The following SLX4 variants were observed in gnomAD, a reference collection of about 807,000 sequenced individuals.
SLX4 encodes SLX4 structure-specific endonuclease subunit.
Under a neutral mutation model 146.2 loss-of-function variants are expected in SLX4, and 112 were observed. The ratio of observed to expected loss-of-function variants is 0.77; its 90% CI spans 0.66 to 0.90. The LOEUF (loss-of-function observed/expected upper bound fraction) is 0.90, where lower values mean the gene tolerates loss of function less well. Ranked by LOEUF, SLX4 falls within the 40% of genes least tolerant of loss-of-function variation. The probability of loss-of-function intolerance (pLI) is 0.00; values close to 1 mark genes in which losing one functional copy is unlikely to be tolerated. For missense variants in SLX4, 2,563 were observed against 2,392.7 expected, an observed-to-expected ratio of 1.07 and a Z score of -1.49; for synonymous variants, 1,061 against 997.7, an observed-to-expected ratio of 1.06 and a Z score of -1.20.
intron 7 of SLX4, among the ~76,000 whole-genome samples, chr16:3,596,877 TAA>T (rs1440896640): frequency 1.3e-5 from 2 of 151,438 alleles, no homozygotes; most frequent in East Asian, 3.9e-4. Context: ...GGCTGGAGTG[TAA>T]TGGCACGGTC....
At chr16:3,583,014 T>C (rs1441315273) in intron 14 of SLX4, 83 bp downstream of exon 14, 3 of 1,528,710 alleles carry the variant, frequency 2.0e-6, no homozygotes, top group Non-Finnish European at 2.7e-6. Flanking sequence ...AGATTGGCCA[T>C]TAGGTCTCAC....
At position 3,582,165 on chromosome 16, in the gene SLX4, A is replaced by G. The variant is rs999816259; in HGVS notation, c.*177T>C. 6.5e-6 allele frequency: 4 copies of G among 616,328 alleles called. No homozygotes were observed. The highest frequency in any genetic ancestry group is 5.5e-5 in the African/African-American group (3 of 54,468). 38.2% of individuals were successfully genotyped at this position (616,328 alleles called of 1,614,324 possible). A position where few individuals can be genotyped will look rare whatever the true frequency, so the allele number is the denominator to read the frequency against. Reference sequence around the variant, plus strand: ...AATGCCACCCTAGAAAGCAGAGCCCAGAGGAGGAAGCCCTGGATTGGGCTG... The same window carrying G: ...AATGCCACCCTAGAAAGCAGAGCCCGGAGGAGGAAGCCCTGGATTGGGCTG... On this transcript the variant is annotated 3_prime_UTR_variant, in exon 15 of 15. Coordinates refer to ENST00000294008, the MANE Select transcript of SLX4 (RefSeq NM_032444.4).
chr16:3,605,090 A>T (rs1441594322), intron 3 of SLX4, among the ~76,000 whole-genome samples: 3 of 149,352 alleles, frequency 2.0e-5, no homozygotes, highest in Non-Finnish European at 1.5e-5. Flanking sequence ...CCAGCTAATT[A>T]AAAAAAAATT....
chr16:3,606,777 C>T (rs563144482), intron 2 of SLX4, 79 bp from the exon 3 acceptor site: 15 of 1,503,640 alleles, frequency 1.0e-5, no homozygotes, highest in East Asian at 4.5e-5. Context: ...ACAGGTTAGA[C>T]GCAAGTTTCA....
intron 3 of SLX4, among the ~76,000 whole-genome samples, chr16:3,605,777 C>A (rs908434137): frequency 6.7e-6 from 1 of 150,286 alleles, no homozygotes; most frequent in Non-Finnish European, 1.5e-5. Flanking sequence ...GAAACCTTGT[C>A]TCTACTAAAA....
chr16:3,586,448 G>A (rs1368087644), intron 12 of SLX4, among the ~76,000 whole-genome samples: 2 of 151,950 alleles, frequency 1.3e-5, no homozygotes, highest in African/African-American at 4.8e-5. Flanking sequence ...TTGAGCCTGG[G>A]AGGTCGAGGC....
chr16:3,608,112 GAGTTCA>G (rs1170502180), intron 2 of SLX4, among the ~76,000 whole-genome samples: 2 of 152,190 alleles, frequency 1.3e-5, no homozygotes, highest in African/African-American at 4.8e-5. Flanking sequence ...TTGAGTCCAG[GAGTTCA>G]AGACCAGCCT....
intron 12 of SLX4, among the ~76,000 whole-genome samples, chr16:3,585,793 A>T (rs1045690931): frequency 6.9e-6 from 1 of 144,878 alleles, no homozygotes; most frequent in Non-Finnish European, 1.5e-5. Flanking sequence ...GCAGAACCCT[A>T]TCTCTACAAA....
rs2040723281 is a variant in SLX4 at position 3,601,154 on chromosome 16, C to A, written c.988G>T (p.Val330Leu). 1 of 1,613,978 alleles carries A rather than the reference C, an allele frequency of 6.2e-7. No homozygotes were observed. Among genetic ancestry groups the A allele is most frequent in the South Asian group, 1.1e-5 (1 of 91,078 alleles). Residue 330 changes from valine (V) to leucine (L), a missense_variant, in exon 5 of 15, where the codon GTG (valine) becomes TTG (leucine). Val to Leu is a conservative substitution (Grantham distance 32). Coordinates refer to ENST00000294008, the MANE Select transcript of SLX4 (RefSeq NM_032444.4). ...DEAEKTLRPS[V>L]PQIPECPICG... ...ATCGGGCACTCAGGGATCTGAGGCA[C>A]AGAAGGTCTTAGTGTCTTTTCAGCT...
At position 3,602,236 on chromosome 16, in the gene SLX4, G is replaced by A. The variant is rs141597706; in HGVS notation, c.832C>T (p.Arg278Trp). 1.4e-4 allele frequency: 231 copies of A among 1,614,170 alleles called. No homozygotes were observed. Among genetic ancestry groups the A allele is most frequent in the Admixed American group, 6.8e-4 (41 of 60,026 alleles). ...TCATCATGTGCCGATGCTCCTACCC[G>A]TGCAAACTCCTGCTGCAGGGTCAAG... ...VALTLQQEFA[R>W]VGASAHDDSL... The change falls in exon 4 of 15, where the codon CGG becomes TGG. Residue 278 changes from arginine to tryptophan, a missense_variant. Coordinates refer to ENST00000294008, the MANE Select transcript of SLX4 (RefSeq NM_032444.4).
chr16:3,584,904 A>T (rs1422062063), intron 12 of SLX4, 33 bp from the exon 13 acceptor site: 4 of 1,449,278 alleles, frequency 2.8e-6, no homozygotes, highest in Non-Finnish European at 3.9e-6. Context: ...ACGTTTTAGC[A>T]TGAGGGACAC....
At chr16:3,599,016 C>A (rs1159363782) in intron 5 of SLX4, among the ~76,000 whole-genome samples, 1 of 152,246 alleles carries the variant, frequency 6.6e-6, no homozygotes, top group Non-Finnish European at 1.5e-5. Context: ...TCTACTCTGA[C>A]AACCTTCTAA....
At position 3,594,429 on chromosome 16, in the gene SLX4, G is replaced by T. The variant is rs114392599; in HGVS notation, c.2160+24C>A. 2,591 of 1,603,350 alleles carry T rather than the reference G, an allele frequency of 1.6e-3. 32 individuals are homozygous for T. The African/African-American group carries it at 0.03, about 18-fold the overall frequency. On this transcript the variant is annotated intron_variant, in intron 10 of 14. Coordinates refer to ENST00000294008, the MANE Select transcript of SLX4 (RefSeq NM_032444.4). ...AGAGAGGGAGAGAGAGGAAAGGAGGGCACACGGCAGCCCACGTACTTACAT... is the reference window on the plus strand; with the variant it reads ...AGAGAGGGAGAGAGAGGAAAGGAGGTCACACGGCAGCCCACGTACTTACAT...
At chr16:3,583,649 G>A in intron 13 of SLX4, 139 bp from the exon 14 acceptor site, 2 of 897,864 alleles carry the variant, frequency 2.2e-6, no homozygotes, top group South Asian at 2.8e-5. Context: ...TGACTTCTGT[G>A]AGCATCAGAG....
intron 11 of SLX4, 36 bp from the exon 12 acceptor site, chr16:3,591,346 G>A (rs1276101784): frequency 1.2e-6 from 2 of 1,604,842 alleles, no homozygotes; most frequent in South Asian, 2.2e-5. Flanking sequence ...TCGCCCCTCT[G>A]CGTGGAGATG....
intron 1 of SLX4, among the ~76,000 whole-genome samples, 155 bp from the exon 2 acceptor site, chr16:3,609,721 G>A (rs760419380): frequency 7.9e-5 from 12 of 152,346 alleles, no homozygotes; most frequent in East Asian, 1.9e-4. Context: ...TGGTCTAACC[G>A]TCCTATCAGA....
At chr16:3,605,811 G>T (rs969899887) in intron 3 of SLX4, among the ~76,000 whole-genome samples, 1 of 151,806 alleles carries the variant, frequency 6.6e-6, no homozygotes, top group Admixed American at 6.6e-5. Flanking sequence ...GCCAGGCGTG[G>T]TGGTGGGAGC....
intron 12 of SLX4, 39 bp downstream of exon 12, chr16:3,588,963 C>A (rs1242300166): frequency 1.2e-6 from 2 of 1,613,234 alleles, no homozygotes; most frequent in Non-Finnish European, 1.7e-6. Context: ...AAAATAGTAA[C>A]AAAGACAGTC....
intron 8 of SLX4, 91 bp from the exon 9 acceptor site, chr16:3,595,784 C>G: frequency 6.9e-7 from 1 of 1,446,500 alleles, no homozygotes; most frequent in Admixed American, 1.8e-5. Context: ...TGAGCCAGCC[C>G]CTGCGGTGCC....
Sources: allele counts gnomAD v4.1 joint callset (sites outside exome capture counted in the v4.1 genomes callset), GRCh38; gene constraint gnomAD v4.1.1; transcripts MANE v1.5; gene names NCBI Gene and HGNC (gene_info 2026-07-23, HGNC 2026-07-21).